Variants in PTPRZ1 observed in about 807,000 individuals in gnomAD.
PTPRZ1 encodes the protein receptor-type tyrosine-protein phosphatase zeta.
Under a neutral mutation model 214.1 loss-of-function variants are expected in PTPRZ1, and 82 were observed. The ratio of observed to expected loss-of-function variants is 0.38; its 90% confidence interval spans 0.32 to 0.46. The LOEUF (loss-of-function observed/expected upper bound fraction) is 0.46. Ranked by LOEUF, PTPRZ1 falls within the 20% of genes least tolerant of loss-of-function variation. The probability of loss-of-function intolerance (pLI) is 1.00; values close to 1 mark genes in which losing one functional copy is unlikely to be tolerated. For synonymous variants in PTPRZ1, 945 were observed against 987.9 expected (o/e 0.96, Z 0.81); for missense variants, 2,603 against 2,748.7 (o/e 0.95, Z 1.19).
intron 2 of PTPRZ1, among the ~76,000 whole-genome samples, chr7:121,944,869 C>T (rs987536658): frequency 3.3e-5 from 5 of 152,130 alleles, no homozygotes; most frequent in Admixed American, 6.5e-5. Flanking sequence ...TTTCTCACTC[C>T]TGACCTCAGG....
In PTPRZ1 at chr7:122,013,648, C is replaced by T; in HGVS notation, c.4602C>T (p.Ser1534=). The change falls in exon 12 of 30, where the codon AGC becomes AGT. Residue 1534 remains serine, a synonymous_variant. Transcript: ENST00000393386. ...CTGGTAGTGCTCTGCTTCCTCTCAG[C>T]CCTGAATCTAAAGCATGGGCAGTTC... ...IQTGSALLPL[S]PESKAWAVLT... is the part of the protein sequence containing the mutation. 1.2e-6 allele frequency: 2 copies of T among 1,614,142 alleles called. No individual in the cohort carries two copies. Among genetic ancestry groups the T allele is most frequent in the Non-Finnish European group, 1.7e-6 (2 of 1,180,012 alleles).
At chr7:122,041,703 G>A (rs1799738079) in intron 21 of PTPRZ1, among the ~76,000 whole-genome samples, 1 of 152,112 alleles carries the variant, frequency 6.6e-6, no homozygotes, top group Admixed American at 6.6e-5. Context: ...AATCAAATTT[G>A]TTTCTATGTG....
At chr7:121,955,793 G>A (rs1193826349) in intron 2 of PTPRZ1, among the ~76,000 whole-genome samples, 4 of 152,108 alleles carry the variant, frequency 2.6e-5, no homozygotes, top group African/African-American at 9.7e-5. Flanking sequence ...TCTTGTCAGT[G>A]GGGTGATAGA....
intron 2 of PTPRZ1, among the ~76,000 whole-genome samples, chr7:121,940,738 G>A (rs1216226482): frequency 6.6e-6 from 1 of 151,522 alleles, no homozygotes; most frequent in Non-Finnish European, 1.5e-5. Flanking sequence ...ACAGGTTTAT[G>A]TCCATCACGC....
At chr7:121,950,415 A>G (rs1796515866) in intron 2 of PTPRZ1, among the ~76,000 whole-genome samples, 1 of 152,226 alleles carries the variant, frequency 6.6e-6, no homozygotes, top group Admixed American at 6.5e-5. Flanking sequence ...AGAATTCAAC[A>G]TACTTGATTT....
chr7:121,938,918 G>A (rs1796165929), intron 2 of PTPRZ1, among the ~76,000 whole-genome samples: 2 of 151,964 alleles, frequency 1.3e-5, no homozygotes. Context: ...TATCTCAATA[G>A]TAGTTTGTGA....
At position 121,886,585 on chromosome 7, in the gene PTPRZ1, C is replaced by T. The variant is rs988367362; in HGVS notation, c.58+13028C>T. 2.0e-5 allele frequency among the ~76,000 whole-genome samples: 3 copies of T among 152,032 alleles called. No individual in the cohort carries two copies. The South Asian group carries it at 6.2e-4, about 31-fold the overall frequency. ...GCCAAGATATATACTGTTCAATAAA[C>T]ACTTTATAATTATTACTTATTTGAC... On this transcript the variant is annotated intron_variant, in intron 1 of 29. Coordinates refer to ENST00000393386, the MANE Select transcript of PTPRZ1 (RefSeq NM_002851.3).
In PTPRZ1 at chr7:122,028,575, T is replaced by C; in HGVS notation, c.5012T>C (p.Phe1671Ser). 1 of 1,543,312 alleles carries C rather than the reference T, an allele frequency of 6.5e-7. No individual in the cohort carries two copies. Among genetic ancestry groups the C allele is most frequent in the Non-Finnish European group, 9.0e-7 (1 of 1,116,052 alleles). ...YWRKCFQTAH[F>S]YLEDSTSPRV... The stretch of plus-strand genomic sequence containing the variant: ...AGGAAATGCTTCCAGACTGCACACT[T>C]TTACTTAGAGGACAGTACATCCCCT... The change falls in exon 14 of 30, where the codon TTT becomes TCT. Residue 1671 changes from phenylalanine to serine, a missense_variant. Coordinates refer to ENST00000393386, the MANE Select transcript of PTPRZ1 (RefSeq NM_002851.3).
At chr7:121,904,880 A>G (rs190534718) in intron 1 of PTPRZ1, among the ~76,000 whole-genome samples, 1 of 152,322 alleles carries the variant, frequency 6.6e-6, no homozygotes, top group East Asian at 1.9e-4. Context: ...TAGAAAAATA[A>G]TGATATTAGG....
At chr7:121,905,001 T>C (rs1426477223) in intron 1 of PTPRZ1, among the ~76,000 whole-genome samples, 1 of 152,236 alleles carries the variant, frequency 6.6e-6, no homozygotes, top group East Asian at 1.9e-4. Flanking sequence ...GAAAGTTGTT[T>C]AGTTAAAGAT....
intron 13 of PTPRZ1, among the ~76,000 whole-genome samples, chr7:122,020,775 A>C (rs2116688997): frequency 6.6e-6 from 1 of 152,252 alleles, no homozygotes; most frequent in South Asian, 2.1e-4. Context: ...AGAAACAAAC[A>C]AACCTGGTTT....
At chr7:121,954,172 C>G (rs571457412) in intron 2 of PTPRZ1, among the ~76,000 whole-genome samples, 10 of 152,320 alleles carry the variant, frequency 6.6e-5, no homozygotes, top group African/African-American at 9.6e-5. Context: ...ACTGACCTAT[C>G]TCCTTCAGTT....
chr7:121,886,444 A>T (rs1336246972), intron 1 of PTPRZ1, among the ~76,000 whole-genome samples: 1 of 148,902 alleles, frequency 6.7e-6, no homozygotes, highest in Non-Finnish European at 1.5e-5. Flanking sequence ...CAGCTGAAAC[A>T]TTCCACTCTA....
intron 2 of PTPRZ1, among the ~76,000 whole-genome samples, chr7:121,932,989 A>C (rs373748528): frequency 2.3e-4 from 35 of 152,196 alleles, no homozygotes; most frequent in East Asian, 9.6e-4. Flanking sequence ...CTTGCTTGTC[A>C]CTTTGTGATG....
chr7:122,013,116 C>G lies in PTPRZ1; in HGVS notation c.4070C>G (p.Ser1357Cys). 6.2e-7 allele frequency: 1 copy of G among 1,614,048 alleles called. No individual in the cohort carries two copies. Among genetic ancestry groups the G allele is most frequent in the Non-Finnish European group, 8.5e-7 (1 of 1,179,866 alleles). ...KVFAGIPTVA[S>C]DTFVSTDHSV... The stretch of plus-strand genomic sequence containing the variant: ...TTTGCTGGTATTCCAACAGTTGCTT[C>G]TGATACATTTGTATCTACTGATCAT... Residue 1357 changes from serine (S) to cysteine (C), a missense_variant, in exon 12 of 30, where the codon TCT (serine) becomes TGT (cysteine). Ser to Cys is a moderately radical substitution (Grantham distance 112, BLOSUM62 -1). Around this residue, in one of 6 missense-constraint regions of PTPRZ1, gnomAD observed 1,913 missense variants for 1,914.3 expected, o/e 1.00. Coordinates refer to ENST00000393386, the MANE Select transcript of PTPRZ1 (RefSeq NM_002851.3).
chr7:121,885,483 C>A (rs890194736), intron 1 of PTPRZ1, among the ~76,000 whole-genome samples: 1 of 152,070 alleles, frequency 6.6e-6, no homozygotes, highest in South Asian at 2.1e-4. Flanking sequence ...GCCATTAAAT[C>A]CTTTAAATTA....
At chr7:122,049,549 A>G (rs998619654) in intron 23 of PTPRZ1, among the ~76,000 whole-genome samples, 1 of 152,156 alleles carries the variant, frequency 6.6e-6, no homozygotes, top group African/African-American at 2.4e-5. Flanking sequence ...AACAAAAACA[A>G]TAACAAAACA....
rs1290322647 is a variant in PTPRZ1 at position 121,873,361 on chromosome 7, C to G, written c.-139C>G. ...ACACACACACACACAAACACACATACGCACGCACGATCTCACTTCGATCTA... is the reference window on the plus strand; with the variant it reads ...ACACACACACACACAAACACACATAGGCACGCACGATCTCACTTCGATCTA... On this transcript the variant is annotated 5_prime_UTR_variant, in exon 1 of 30. Transcript: ENST00000393386. The G allele has an allele frequency of 9.7e-6, 7 of 722,736 alleles. No homozygotes were observed. The highest frequency in any genetic ancestry group is 1.8e-5 in the African/African-American group (1 of 56,956). 44.8% of individuals were successfully genotyped at this position (722,736 alleles called of 1,614,324 possible).
intron 23 of PTPRZ1, 66 bp from the exon 24 acceptor site, chr7:122,051,362 T>C (rs781207214): frequency 2.7e-4 from 275 of 1,035,302 alleles, no homozygotes; most frequent in Non-Finnish European, 3.8e-4. Context: ...TGTATGTATG[T>C]GTGTGTGTGT....
Sources: gnomAD v4.1 joint callset for allele counts (sites outside exome capture counted in the v4.1 genomes callset) on GRCh38, gnomAD v4.1.1 for gene constraint, gnomAD v4.1.1 regional missense constraint, MANE v1.5 for transcripts, NCBI Gene and HGNC (gene_info 2026-07-23, HGNC 2026-07-21) for gene names.